The following MAGI1 variants were observed in gnomAD, a reference collection of about 807,000 sequenced individuals.
The protein encoded by MAGI1 is membrane-associated guanylate kinase, WW and PDZ domain-containing protein 1.
MAGI1 carries 58 observed loss-of-function variants against 139.9 expected under a neutral mutation model. That is an observed-to-expected ratio of 0.41 (90% CI 0.34 to 0.52). The LOEUF (loss-of-function observed/expected upper bound fraction) is 0.52. Among genes scored for constraint, MAGI1 ranks in the 20% least tolerant of loss-of-function variants. The probability of loss-of-function intolerance (pLI) is 0.12; values close to 1 mark genes in which losing one functional copy is unlikely to be tolerated. For missense variants in MAGI1, 1,874 were observed against 1,901.6 expected (o/e 0.99, Z 0.27); for synonymous variants, 812 against 737.9 (o/e 1.10, Z -1.63).
chr3:65,877,602 A>C (rs1274112882), intron 1 of MAGI1, among the ~76,000 whole-genome samples: 2 of 152,072 alleles, frequency 1.3e-5, no homozygotes, highest in Non-Finnish European at 2.9e-5. Flanking sequence ...GTGGGAAAAT[A>C]TTTTCCTACC....
At position 65,363,571 on chromosome 3, in the gene MAGI1, G is replaced by A; in HGVS notation, c.3389C>T (p.Ala1130Val). 1 of 1,614,026 alleles carries A rather than the reference G, an allele frequency of 6.2e-7. No homozygotes were observed. Among genetic ancestry groups the A allele is most frequent in the South Asian group, 1.1e-5 (1 of 91,066 alleles). Residue 1130 changes from alanine (A) to valine (V), a missense_variant, in exon 21 of 23, where the codon GCC (alanine) becomes GTC (valine). Physicochemically the swap from Ala to Val is moderately conservative, Grantham distance 64. Around this residue, in one of 5 missense-constraint regions of MAGI1, gnomAD observed 653 missense variants for 644.5 expected, o/e 1.01. Coordinates refer to ENST00000402939, the MANE Select transcript of MAGI1 (RefSeq NM_001033057.2). ...TCGAAGGCTAAAGCCAAATCCCTTG[G>A]CTCCTCTTTCCAGTTCCACAGTGTA... The part of the protein sequence containing the change: ...DFYTVELERG[A>V]KGFGFSLRGG...
chr3:66,026,299 T>C (rs1330641630), intron 1 of MAGI1, among the ~76,000 whole-genome samples: 1 of 152,108 alleles, frequency 6.6e-6, no homozygotes, highest in Non-Finnish European at 1.5e-5. Context: ...ACCTTCAACA[T>C]AATTAATTCA....
intron 1 of MAGI1, among the ~76,000 whole-genome samples, chr3:65,736,672 G>T (rs891937035): frequency 2.0e-5 from 3 of 152,174 alleles, no homozygotes; most frequent in Non-Finnish European, 4.4e-5. Context: ...CCCAGCTCAA[G>T]AAGAGAGAAC....
rs1318270258 is a variant in MAGI1, at chr3:65,733,200, A to G, written c.314-111112T>C. On this transcript the variant is annotated intron_variant, in intron 1 of 22. Transcript: ENST00000402939. ...CAGCCTCCCGAGTAGCTGGGATCAC[A>G]GGCACCTGCCACCACGCCCCGCTAA... 2.6e-5 allele frequency among the ~76,000 whole-genome samples: 4 copies of G among 152,128 alleles called. No individual in the cohort carries two copies. In the South Asian group the frequency reaches 8.3e-4, roughly 32 times the overall value.
At chr3:65,721,469 A>G (rs1179114480) in intron 1 of MAGI1, among the ~76,000 whole-genome samples, 1 of 152,184 alleles carries the variant, frequency 6.6e-6, no homozygotes, top group Non-Finnish European at 1.5e-5. Context: ...TGGTCACCCT[A>G]GTTACATTAA....
intron 1 of MAGI1, among the ~76,000 whole-genome samples, chr3:65,761,153 T>C (rs529816779): frequency 1.3e-5 from 2 of 152,276 alleles, no homozygotes; most frequent in Non-Finnish European, 2.9e-5. Flanking sequence ...CTCTTGACTT[T>C]CACCAGGCAC....
intron 5 of MAGI1, among the ~76,000 whole-genome samples, chr3:65,461,767 CGT>C (rs1026425920): frequency 6.6e-6 from 1 of 152,132 alleles, no homozygotes; most frequent in African/African-American, 2.4e-5. Context: ...GGAATACAGG[CGT>C]GAGCCACCAC....
At chr3:65,624,849 G>C (rs559963110) in intron 1 of MAGI1, among the ~76,000 whole-genome samples, 4 of 152,114 alleles carry the variant, frequency 2.6e-5, no homozygotes, top group African/African-American at 9.7e-5. Context: ...GAACACAAGG[G>C]AAGATTCTGG....
intron 14 of MAGI1, among the ~76,000 whole-genome samples, chr3:65,387,712 T>C (rs1298061971): frequency 6.6e-6 from 1 of 152,234 alleles, no homozygotes; most frequent in Non-Finnish European, 1.5e-5. Flanking sequence ...TATTTAGAGA[T>C]GCAGATCAAT....
intron 2 of MAGI1, among the ~76,000 whole-genome samples, chr3:65,521,872 G>A (rs760888585): frequency 6.6e-6 from 1 of 152,172 alleles, no homozygotes; most frequent in South Asian, 2.1e-4. Flanking sequence ...TTATAATGGT[G>A]ATTAATCTGA....
chr3:65,467,588 A>G (rs2107566885), intron 5 of MAGI1, among the ~76,000 whole-genome samples: 1 of 152,348 alleles, frequency 6.6e-6, no homozygotes, highest in African/African-American at 2.4e-5. Flanking sequence ...CACATCAGCT[A>G]AAACCTAAGT....
chr3:65,641,427 T>A (rs186200226), intron 1 of MAGI1, among the ~76,000 whole-genome samples: 5 of 152,170 alleles, frequency 3.3e-5, no homozygotes, highest in African/African-American at 4.8e-5. Flanking sequence ...GGCATCGGTA[T>A]TTTTTTTCTA....
intron 12 of MAGI1, among the ~76,000 whole-genome samples, chr3:65,417,994 T>A (rs1321761116): frequency 1.3e-5 from 2 of 152,196 alleles, no homozygotes; most frequent in Admixed American, 6.5e-5. Flanking sequence ...GAGATGTTTT[T>A]GACTGTCACC....
Position 65,530,740 on chromosome 3 carries a change from T to TAC in MAGI1, c.431-37110_431-37109insGT, listed in dbSNP as rs1559642646. Among the ~76,000 whole-genome samples the TAC allele has an allele frequency of 3.8e-4, 37 of 97,488 alleles. 8 individuals are homozygous for TAC. Among genetic ancestry groups the TAC allele is most frequent in the African/African-American group, 1.4e-3 (33 of 23,388 alleles). The allele number at this position is 97,488 out of a possible 152,430, so 64.0% of individuals were successfully genotyped here. Reference sequence around the variant, plus strand: ...ATATATATACACACGTATATATATATGCACATATATATACACGTATATATA... The same window carrying TAC: ...ATATATATACACACGTATATATATATACGCACATATATATACACGTATATATA... On this transcript the variant is annotated intron_variant, in intron 2 of 22. Coordinates refer to ENST00000402939, the MANE Select transcript of MAGI1 (RefSeq NM_001033057.2).
intron 3 of MAGI1, among the ~76,000 whole-genome samples, chr3:65,492,471 CCATA>C (rs1248733763): frequency 1.3e-5 from 2 of 151,850 alleles, no homozygotes; most frequent in African/African-American, 4.8e-5. Flanking sequence ...TACGGTATGC[CCATA>C]CAAAGGAATT....
intron 1 of MAGI1, among the ~76,000 whole-genome samples, chr3:65,897,566 T>C (rs942150285): frequency 4.3e-5 from 6 of 139,658 alleles, no homozygotes; most frequent in African/African-American, 1.2e-4. Flanking sequence ...TGTATACCTA[T>C]GTAACAAACC....
At chr3:65,628,470 T>TC (rs2084103955) in intron 1 of MAGI1, among the ~76,000 whole-genome samples, 1 of 151,834 alleles carries the variant, frequency 6.6e-6, no homozygotes, top group South Asian at 2.1e-4. Flanking sequence ...ACACACACAT[T>TC]CCCCAAAGAA....
At chr3:65,519,619 C>T (rs897579603) in intron 2 of MAGI1, among the ~76,000 whole-genome samples, 26 of 152,100 alleles carry the variant, frequency 1.7e-4, no homozygotes, top group African/African-American at 6.3e-4. Context: ...CTCCTGACCT[C>T]GTGATCCACC....
intron 1 of MAGI1, among the ~76,000 whole-genome samples, chr3:65,826,839 A>G (rs781694961): frequency 2.6e-4 from 40 of 152,216 alleles, no homozygotes; most frequent in Non-Finnish European, 5.0e-4. Context: ...ACAATTTTTA[A>G]ACACATTATC....
Sources: gnomAD v4.1 joint callset for allele counts (sites outside exome capture counted in the v4.1 genomes callset) on GRCh38, gnomAD v4.1.1 for gene constraint, gnomAD v4.1.1 regional missense constraint, MANE v1.5 for transcripts, NCBI Gene and HGNC (gene_info 2026-07-23, HGNC 2026-07-21) for gene names.